Variants in LRRC8D observed in about 807,000 individuals in gnomAD.
LRRC8D encodes the protein leucine rich repeat containing 8 VRAC subunit D, also known as volume-regulated anion channel subunit LRRC8D.
LRRC8D carries 20 observed loss-of-function variants against 55.8 expected under a neutral mutation model. The ratio of observed to expected loss-of-function variants is 0.36; its 90% CI spans 0.25 to 0.52. The LOEUF (loss-of-function observed/expected upper bound fraction) is 0.52, where lower values mean the gene tolerates loss of function less well. Ranked by LOEUF, LRRC8D falls within the 20% of genes least tolerant of loss-of-function variation. The pLI is 0.93. For synonymous variants in LRRC8D, 352 were observed against 377.0 expected, an observed-to-expected ratio of 0.93 and a Z score of 0.77; for missense variants, 651 against 1,030.8, an observed-to-expected ratio of 0.63 and a Z score of 5.05.
At chr1:89,843,814 G>A (rs986897796) in intron 2 of LRRC8D, 32 bp downstream of exon 2, 9 of 633,272 alleles carry the variant, frequency 1.4e-5, no homozygotes, top group Non-Finnish European at 2.3e-5. Context: ...TCCAGGGAGC[G>A]GGTCGGGAAG....
intron 2 of LRRC8D, among the ~76,000 whole-genome samples, chr1:89,905,777 G>A (rs1243743832): frequency 5.3e-5 from 8 of 152,180 alleles, no homozygotes; most frequent in Admixed American, 3.9e-4. Context: ...TCCAGAATTC[G>A]TGACCTTTGC....
At chr1:89,920,627 G>A (rs1179021063) in intron 2 of LRRC8D, among the ~76,000 whole-genome samples, 1 of 147,080 alleles carries the variant, frequency 6.8e-6, no homozygotes, top group Non-Finnish European at 1.5e-5. Context: ...CAGCTATAGA[G>A]TATATTGTAT....
intron 2 of LRRC8D, among the ~76,000 whole-genome samples, chr1:89,899,582 A>G (rs548449760): frequency 6.6e-4 from 100 of 152,360 alleles, no homozygotes; most frequent in Non-Finnish European, 1.4e-3. Context: ...GCTGATCATC[A>G]TTCCTGCTTT....
intron 2 of LRRC8D, among the ~76,000 whole-genome samples, chr1:89,914,990 G>A (rs1663224545): frequency 6.6e-6 from 1 of 151,782 alleles, no homozygotes; most frequent in Admixed American, 6.6e-5. Flanking sequence ...CTCTTGGAGG[G>A]CAAGGACTCT....
intron 2 of LRRC8D, among the ~76,000 whole-genome samples, chr1:89,916,066 G>A (rs1227210276): frequency 6.6e-6 from 1 of 152,196 alleles, no homozygotes; most frequent in Non-Finnish European, 1.5e-5. Context: ...TGAACTGCAG[G>A]CTGCTCAATT....
chr1:89,891,673 A>G (rs1333616022), intron 2 of LRRC8D, among the ~76,000 whole-genome samples: 2 of 152,232 alleles, frequency 1.3e-5, no homozygotes, highest in Non-Finnish European at 1.5e-5. Flanking sequence ...ATTCATTTTT[A>G]GTAATAATGA....
chr1:89,932,537 C>T (rs1663737257), intron 2 of LRRC8D, among the ~76,000 whole-genome samples: 1 of 152,178 alleles, frequency 6.6e-6, no homozygotes, highest in Non-Finnish European at 1.5e-5. Flanking sequence ...TTAACCTTTC[C>T]AACAACCCTT....
At chr1:89,846,568 C>T (rs559008183) in intron 2 of LRRC8D, 1 of 152,238 alleles carries the variant, frequency 6.6e-6, no homozygotes, top group Admixed American at 6.5e-5. Context: ...TCAGGTGGTC[C>T]TTTGCCATTC....
intron 1 of LRRC8D, among the ~76,000 whole-genome samples, chr1:89,830,308 A>G (rs1660857121): frequency 6.6e-6 from 1 of 152,232 alleles, no homozygotes; most frequent in Admixed American, 6.5e-5. Context: ...GCAGTTTTAT[A>G]CATCTTGCAC....
chr1:89,933,537 G>T lies in LRRC8D; in HGVS notation c.469G>T (p.Ala157Ser), dbSNP rs747208023. The change falls in exon 3 of 3, where the codon GCC becomes TCC. Residue 157 changes from alanine (A) to serine (S), a missense_variant. Physicochemically the swap from Ala to Ser is moderately conservative, Grantham distance 99 (BLOSUM62 1). Transcript: ENST00000337338. The surrounding 1 kb of genome is among the most constrained non-coding windows in gnomAD (Gnocchi z 7.0). ...TATTAATCAAATGTGTTACCATCTG[G>T]CCCTTCCGTGGTATTCTAAGTACTT... Reference protein sequence around the residue: ...VFINQMCYHLALPWYSKYFPY... With the variant: ...VFINQMCYHLSLPWYSKYFPY... 2 of 1,614,048 alleles carry T rather than the reference G, an allele frequency of 1.2e-6. No individual in the cohort carries two copies. The highest frequency in any genetic ancestry group is 1.3e-5 in the African/African-American group (1 of 74,998).
intron 1 of LRRC8D, among the ~76,000 whole-genome samples, chr1:89,840,992 G>T (rs1661117535): frequency 6.6e-6 from 1 of 152,168 alleles, no homozygotes; most frequent in South Asian, 2.1e-4. Context: ...GAAGTTTCTA[G>T]CTAAATGCCC....
chr1:89,889,069 C>G (rs552223990), intron 2 of LRRC8D, among the ~76,000 whole-genome samples: 13 of 152,238 alleles, frequency 8.5e-5, no homozygotes, highest in Non-Finnish European at 4.4e-5. Flanking sequence ...AGAAACCTGA[C>G]AAATACTGCT....
At chr1:89,914,356 G>A (rs1420399797) in intron 2 of LRRC8D, among the ~76,000 whole-genome samples, 2 of 152,212 alleles carry the variant, frequency 1.3e-5, no homozygotes, top group African/African-American at 4.8e-5. Flanking sequence ...ACACCTCCCT[G>A]CAAGCTGAGG....
Position 89,934,393 on chromosome 1 carries a change from G to A in LRRC8D, c.1325G>A (p.Ser442Asn). 2 of 1,613,736 alleles carry A rather than the reference G, an allele frequency of 1.2e-6. No homozygotes were observed. Among genetic ancestry groups the A allele is most frequent in the Middle Eastern group, 1.6e-4 (1 of 6,062 alleles). ...TTTGGTGTGTTCTTGTCAGAAGTTA[G>A]TGAAAATAAACTTAGGGAAATTAGT... Reference protein sequence around the residue: ...KRFGVFLSEVSENKLREISLN... With the variant: ...KRFGVFLSEVNENKLREISLN... The change falls in exon 3 of 3, where the codon AGT becomes AAT. Residue 442 changes from serine to asparagine, a missense_variant. By Grantham distance (46) the Ser-to-Asn change is conservative. Coordinates refer to ENST00000337338, the MANE Select transcript of LRRC8D (RefSeq NM_001134479.2). This position sits in a 1 kb window ranked among gnomAD's most constrained non-coding sequence, Gnocchi z 5.9.
At chr1:89,840,656 A>G (rs1661111530) in intron 1 of LRRC8D, among the ~76,000 whole-genome samples, 1 of 152,204 alleles carries the variant, frequency 6.6e-6, no homozygotes, top group Non-Finnish European at 1.5e-5. Flanking sequence ...ATATCATTAA[A>G]TTATCACTCA....
At chr1:89,842,793 A>G (rs990804572) in intron 1 of LRRC8D, among the ~76,000 whole-genome samples, 6 of 152,222 alleles carry the variant, frequency 3.9e-5, no homozygotes, top group Admixed American at 2.0e-4. Context: ...GAATGAATGT[A>G]ATCCCAGGAC....
rs528907818 is a variant in LRRC8D, at chr1:89,935,945, G to C, written c.*300G>C. 3.9e-6 allele frequency: 1 copy of C among 254,824 alleles called. No individual in the cohort carries two copies. The highest frequency in any genetic ancestry group is 8.0e-6 in the Non-Finnish European group (1 of 124,576). The allele number at this position is 254,824 out of a possible 1,614,324, so 15.8% of individuals were successfully genotyped here. A position where few individuals can be genotyped will look rare whatever the true frequency, so the allele number is the denominator to read the frequency against. ...AACTTGGATGCTGCCGCTACTGAAT[G>C]TTTACAAATTGCTTGCCTGCTAAAG... On this transcript the variant is annotated 3_prime_UTR_variant, in exon 3 of 3. Transcript: ENST00000337338.
chr1:89,890,475 G>T (rs1305621904), intron 2 of LRRC8D, among the ~76,000 whole-genome samples: 1 of 152,182 alleles, frequency 6.6e-6, no homozygotes, highest in Non-Finnish European at 1.5e-5. Context: ...TCCTGACATG[G>T]TTTAACCTAG....
At chr1:89,868,047 T>C (rs1397096728) in intron 2 of LRRC8D, among the ~76,000 whole-genome samples, 1 of 152,150 alleles carries the variant, frequency 6.6e-6, no homozygotes, top group Non-Finnish European at 1.5e-5. Flanking sequence ...CTGGGTTATC[T>C]GTGATAAGCA....
Sources: gnomAD v4.1 joint callset for allele counts (sites outside exome capture counted in the v4.1 genomes callset) on GRCh38, gnomAD v4.1.1 for gene constraint, Gnocchi (gnomAD v3.1) non-coding constraint, MANE v1.5 for transcripts, NCBI Gene and HGNC (gene_info 2026-07-23, HGNC 2026-07-21) for gene names.